Variants in CCR5AS observed in about 807,000 individuals in gnomAD.
CCR5AS encodes CCR5 antisense RNA.
intron 3 of CCR5AS, among the ~76,000 whole-genome samples, chr3:46,369,735 C>T (rs1701636340): frequency 6.6e-6 from 1 of 152,156 alleles, no homozygotes; most frequent in Admixed American, 6.5e-5. Flanking sequence ...ATCCTCCCAA[C>T]AACTCATGAA....
chr3:46,370,653 A>G (rs1701649019), intron 3 of CCR5AS, among the ~76,000 whole-genome samples: 1 of 152,168 alleles, frequency 6.6e-6, no homozygotes, highest in Non-Finnish European at 1.5e-5. Flanking sequence ...ATGAATGTAA[A>G]TGTTCTTCTA....
At chr3:46,374,069 G>C (rs1413414452) in intron 2 of CCR5AS, 1 of 720,024 alleles carries the variant, frequency 1.4e-6, no homozygotes, top group Non-Finnish European at 2.3e-6. Context: ...TTAAAAGGAA[G>C]TTACTGTTAT....
intron 2 of CCR5AS, among the ~76,000 whole-genome samples, chr3:46,372,280 C>T (rs1473655381): frequency 6.6e-6 from 1 of 152,116 alleles, no homozygotes; most frequent in Non-Finnish European, 1.5e-5. Flanking sequence ...CCTGTAATCC[C>T]AGCATTCTAG....
intron 2 of CCR5AS, among the ~76,000 whole-genome samples, chr3:46,371,791 T>C (rs1236663273): frequency 6.6e-6 from 1 of 152,204 alleles, no homozygotes; most frequent in African/African-American, 2.4e-5. Flanking sequence ...AAACACAAAC[T>C]TCACAGAAAA....
At chr3:46,405,057 T>A (rs1163691880) in intron 1 of CCR5AS, among the ~76,000 whole-genome samples, 1 of 152,208 alleles carries the variant, frequency 6.6e-6, no homozygotes, top group Non-Finnish European at 1.5e-5. Flanking sequence ...AAGGAGGCCC[T>A]ATTATGGCTT....
chr3:46,400,703 A>T (rs552991245), intron 1 of CCR5AS, among the ~76,000 whole-genome samples: 2 of 152,350 alleles, frequency 1.3e-5, no homozygotes, highest in South Asian at 4.1e-4. Context: ...CAACTAAGCC[A>T]CCAGGATGAT....
At chr3:46,384,817 G>C (rs1218025738) in intron 2 of CCR5AS, among the ~76,000 whole-genome samples, 1 of 152,134 alleles carries the variant, frequency 6.6e-6, no homozygotes, top group Admixed American at 6.5e-5. Flanking sequence ...ACTTGAGATA[G>C]ATGATAGATA....
rs139642736 is a variant in CCR5AS at position 46,401,150 on chromosome 3, G to A, written n.163+5747C>T. 4.1e-3 allele frequency among the ~76,000 whole-genome samples: 631 copies of A among 152,286 alleles called. 1 individual carries two copies. Among genetic ancestry groups the A allele is most frequent in the Non-Finnish European group, 6.7e-3 (458 of 68,034 alleles). On this transcript the variant is annotated intron_variant and non_coding_transcript_variant, in intron 1 of 3. Coordinates refer to ENST00000451485, the Ensembl canonical transcript of CCR5AS. ...TAGAAAAAGTCATATGAGCTGAGGA[G>A]TTGGCCAAACATGACAGAATGGGAA...
At chr3:46,401,147 G>A (rs1367572713) in intron 1 of CCR5AS, among the ~76,000 whole-genome samples, 3 of 152,186 alleles carry the variant, frequency 2.0e-5, no homozygotes, top group African/African-American at 2.4e-5. Flanking sequence ...TATGAGCTGA[G>A]GAGTTGGCCA....
chr3:46,397,342 A>G (rs966756046), intron 1 of CCR5AS, among the ~76,000 whole-genome samples: 2 of 152,258 alleles, frequency 1.3e-5, no homozygotes, highest in Non-Finnish European at 2.9e-5. Context: ...AGGGTCTGGC[A>G]AAGTTCCTGG....
chr3:46,373,433 C>G, intron 2 of CCR5AS: 5 of 1,612,294 alleles, frequency 3.1e-6, no homozygotes, highest in Non-Finnish European at 4.2e-6. Context: ...TTCATTACAC[C>G]TGCAGCTCTC....
chr3:46,404,745 T>G (rs1702031723), intron 1 of CCR5AS, among the ~76,000 whole-genome samples: 1 of 152,230 alleles, frequency 6.6e-6, no homozygotes, highest in African/African-American at 2.4e-5. Context: ...ACTTCTCTCC[T>G]ACTAATCTAC....
rs555545761 is a variant in CCR5AS, at chr3:46,400,230, A to G, written n.163+6667T>C. Among the ~76,000 whole-genome samples, 3 of 152,298 alleles carry G rather than the reference A, an allele frequency of 2.0e-5. No homozygotes were observed. The East Asian group carries it at 5.8e-4, about 29-fold the overall frequency. ...GGTCTTGAACTCCTGGGCTCAAGTA[A>G]TCTGCCCACCTCGGCCTCCCAAAGT... On this transcript the variant is annotated intron_variant and non_coding_transcript_variant, in intron 1 of 3. Transcript: ENST00000451485.
intron 2 of CCR5AS, chr3:46,375,137 T>A (rs1484383515): frequency 1.2e-5 from 2 of 167,058 alleles, no homozygotes; most frequent in Non-Finnish European, 2.9e-5. Context: ...TTTGCAGAGC[T>A]TGAACACAGT....
At chr3:46,370,475 C>T (rs991401622) in intron 3 of CCR5AS, among the ~76,000 whole-genome samples, 19 of 152,156 alleles carry the variant, frequency 1.2e-4, no homozygotes, top group Non-Finnish European at 2.2e-4. Flanking sequence ...CAGGATCCCC[C>T]TCTACATTTA....
intron 1 of CCR5AS, among the ~76,000 whole-genome samples, chr3:46,398,736 T>C (rs777028177): frequency 1.4e-4 from 22 of 152,200 alleles, no homozygotes; most frequent in Admixed American, 9.8e-4. Context: ...TTTTTCCATT[T>C]TTTCAAGTCA....
chr3:46,375,819 C>A (rs955387696), intron 2 of CCR5AS: 3 of 166,532 alleles, frequency 1.8e-5, no homozygotes, highest in African/African-American at 7.3e-5. Flanking sequence ...TTTTTCTGTT[C>A]TGTCTCATAT....
chr3:46,381,329 GA>G (rs1468060663), intron 2 of CCR5AS, among the ~76,000 whole-genome samples: 5 of 152,130 alleles, frequency 3.3e-5, no homozygotes, highest in African/African-American at 1.2e-4. Context: ...CTCTTTCCAT[GA>G]AAGCATTATT....
At chr3:46,372,951 T>A in intron 2 of CCR5AS, 1 of 1,611,346 alleles carries the variant, frequency 6.2e-7, no homozygotes, top group Non-Finnish European at 8.5e-7. Flanking sequence ...TTATTATACA[T>A]CGGAGCCCTG....
Sources: gnomAD v4.1 joint callset for allele counts (sites outside exome capture counted in the v4.1 genomes callset) on GRCh38, gnomAD v4.1.1 for gene constraint, MANE v1.5 for transcripts, NCBI Gene and HGNC (gene_info 2026-07-23, HGNC 2026-07-21) for gene names.